The following SOX6 variants were observed in gnomAD, a reference collection of about 807,000 sequenced individuals.
SOX6 encodes transcription factor SOX-6.
Under a neutral mutation model 97.8 loss-of-function variants are expected in SOX6, and 11 were observed. The ratio of observed to expected loss-of-function variants is 0.11; its 90% CI spans 0.07 to 0.19. The LOEUF (loss-of-function observed/expected upper bound fraction) is 0.19. Ranked by LOEUF, SOX6 falls within the 10% of genes least tolerant of loss-of-function variation. The probability of loss-of-function intolerance (pLI) is 1.00; values close to 1 mark genes in which losing one functional copy is unlikely to be tolerated. For synonymous variants in SOX6, 360 were observed against 371.4 expected (o/e 0.97, Z 0.35); for missense variants, 810 against 1,039.5 (o/e 0.78, Z 3.04).
intron 3 of SOX6, among the ~76,000 whole-genome samples, chr11:16,298,697 A>C (rs2134270135): frequency 6.6e-6 from 1 of 152,260 alleles, no homozygotes; most frequent in South Asian, 2.1e-4. Context: ...TCTTATATAA[A>C]GAATTAGTTT....
intron 4 of SOX6, among the ~76,000 whole-genome samples, chr11:16,541,592 T>C (rs536897717): frequency 6.6e-6 from 1 of 152,136 alleles, no homozygotes; most frequent in South Asian, 2.1e-4. Flanking sequence ...ATATCCAGAA[T>C]CTACAAAGAA....
intron 1 of SOX6, among the ~76,000 whole-genome samples, chr11:16,380,591 C>G (rs1857781722): frequency 6.6e-6 from 1 of 151,944 alleles, no homozygotes; most frequent in Non-Finnish European, 1.5e-5. Context: ...ACTGCCAAAA[C>G]AGGCACAAAT....
At chr11:16,045,623 T>C (rs7114427) in intron 12 of SOX6, among the ~76,000 whole-genome samples, 16,108 of 152,122 alleles carry the variant, frequency 0.11, 1,759 homozygotes, top group East Asian at 0.37. Context: ...CCCGGCTGTG[T>C]CGTCTCTTGT....
chr11:16,080,890 G>A (rs1848458602), intron 9 of SOX6, among the ~76,000 whole-genome samples: 1 of 152,022 alleles, frequency 6.6e-6, no homozygotes, highest in Non-Finnish European at 1.5e-5. Flanking sequence ...AAAATAGCCA[G>A]GCACAGTGCA....
intron 6 of SOX6, among the ~76,000 whole-genome samples, chr11:16,169,451 CTAA>C (rs1460106584): frequency 1.3e-5 from 2 of 151,938 alleles, no homozygotes; most frequent in Non-Finnish European, 2.9e-5. Flanking sequence ...AGATAAATGG[CTAA>C]TGAGGATTAT....
At chr11:16,437,348 C>A (rs935091393) in intron 1 of SOX6, among the ~76,000 whole-genome samples, 10 of 151,870 alleles carry the variant, frequency 6.6e-5, no homozygotes, top group African/African-American at 2.2e-4. Context: ...CTTATTCTAT[C>A]CAGTATTACA....
intron 4 of SOX6, among the ~76,000 whole-genome samples, chr11:16,218,502 C>T (rs1474655094): frequency 6.6e-6 from 1 of 151,940 alleles, no homozygotes; most frequent in South Asian, 2.1e-4. Flanking sequence ...TTGCATTTTG[C>T]CCTGGCTAAT....
At chr11:16,540,467 C>A (rs1194012628) in intron 4 of SOX6, among the ~76,000 whole-genome samples, 1 of 151,962 alleles carries the variant, frequency 6.6e-6, no homozygotes, top group Non-Finnish European at 1.5e-5. Flanking sequence ...GAAGTTCTGG[C>A]CAGGGCAATC....
At chr11:16,501,954 G>A (rs907137798) in intron 4 of SOX6, among the ~76,000 whole-genome samples, 57 of 152,178 alleles carry the variant, frequency 3.7e-4, no homozygotes, top group Admixed American at 1.3e-3. Context: ...CAGCCATCCC[G>A]TTACTGGGTA....
At chr11:16,107,045 A>G (rs1849105160) in intron 7 of SOX6, among the ~76,000 whole-genome samples, 1 of 152,054 alleles carries the variant, frequency 6.6e-6, no homozygotes, top group African/African-American at 2.4e-5. Context: ...ATACCACTTC[A>G]CACCTACTGG....
chr11:16,046,586 T>C lies in SOX6; in HGVS notation c.1551A>G (p.Gln517=), dbSNP rs768106254. 1.2e-5 allele frequency: 19 copies of C among 1,613,624 alleles called. No homozygotes were observed. The highest frequency in any genetic ancestry group is 1.6e-5 in the Non-Finnish European group (19 of 1,179,802). ...GTTTCCCGTCAACACCATGTGGCTGTTGCTGCTGTTGCTCCCGCTGGATCT... is the reference window on the plus strand; with the variant it reads ...GTTTCCCGTCAACACCATGTGGCTGCTGCTGCTGTTGCTCCCGCTGGATCT... ...REQIQREQQQ[Q]QPHGVDGKLS... is the part of the protein sequence containing the mutation. Residue 517 remains glutamine, a synonymous_variant, in exon 12 of 16, where the codon CAA becomes CAG. Coordinates refer to ENST00000683767, the MANE Select transcript of SOX6 (RefSeq NM_001367873.1).
chr11:16,073,752 C>T (rs192703495), intron 9 of SOX6, among the ~76,000 whole-genome samples: 2 of 152,260 alleles, frequency 1.3e-5, no homozygotes, highest in Admixed American at 1.3e-4. Context: ...TCTCAGACCA[C>T]AGCATGATAA....
chr11:16,523,672 C>CA (rs1483600624), intron 4 of SOX6, among the ~76,000 whole-genome samples: 9 of 151,948 alleles, frequency 5.9e-5, no homozygotes, highest in Non-Finnish European at 1.0e-4. Context: ...AAAAACACTT[C>CA]AAAAAATTAA....
chr11:16,547,725 G>T (rs1847638100), intron 4 of SOX6, among the ~76,000 whole-genome samples: 1 of 152,066 alleles, frequency 6.6e-6, no homozygotes, highest in African/African-American at 2.4e-5. Flanking sequence ...TAGCAAAGTA[G>T]AGTGATTATC....
At chr11:16,705,540 T>A (rs1465166126) in intron 3 of SOX6, among the ~76,000 whole-genome samples, 1 of 152,118 alleles carries the variant, frequency 6.6e-6, no homozygotes, top group South Asian at 2.1e-4. Context: ...GGCGGGAGGA[T>A]GGCTTGAACC....
chr11:16,484,602 G>A, intron 4 of SOX6: 1 of 696,622 alleles, frequency 1.4e-6, no homozygotes, highest in Middle Eastern at 2.9e-4. Flanking sequence ...TGGCGTGGAG[G>A]GGGCTTCCAG....
Position 16,233,119 on chromosome 11 carries a change from A to G in SOX6, c.535+1463T>C, listed in dbSNP as rs1000191240. 2.0e-5 allele frequency among the ~76,000 whole-genome samples: 3 copies of G among 152,192 alleles called. No homozygotes were observed. The East Asian group carries it at 5.8e-4, about 29-fold the overall frequency. On this transcript the variant is annotated intron_variant, in intron 4 of 15. Transcript: ENST00000683767. ...AAATTCAAAATAACATTTACATTAG[A>G]TAATTATTATCAAATTTTCATCTTA...
intron 1 of SOX6, among the ~76,000 whole-genome samples, chr11:16,430,404 T>A (rs1016200618): frequency 1.3e-5 from 2 of 152,200 alleles, no homozygotes; most frequent in Non-Finnish European, 2.9e-5. Context: ...TGCAAAAGCC[T>A]CTTTCTATAG....
intron 4 of SOX6, among the ~76,000 whole-genome samples, chr11:16,538,072 G>C (rs916875779): frequency 2.0e-5 from 3 of 152,260 alleles, no homozygotes; most frequent in Non-Finnish European, 2.9e-5. Flanking sequence ...AGGGCAGCCA[G>C]AGAGAAAGGT....
Sources: gnomAD v4.1 joint callset for allele counts (sites outside exome capture counted in the v4.1 genomes callset) on GRCh38, gnomAD v4.1.1 for gene constraint, MANE v1.5 for transcripts, NCBI Gene and HGNC (gene_info 2026-07-23, HGNC 2026-07-21) for gene names.